Variants in PTPRK observed in about 807,000 individuals in gnomAD.
The protein encoded by PTPRK is receptor-type tyrosine-protein phosphatase kappa.
A neutral mutation model predicts 178.0 loss-of-function variants in PTPRK; 75 were observed. The ratio of observed to expected loss-of-function variants is 0.42; its 90% CI spans 0.35 to 0.51. The LOEUF (loss-of-function observed/expected upper bound fraction) is 0.51, where lower values mean the gene tolerates loss of function less well. Among genes scored for constraint, PTPRK ranks in the 20% least tolerant of loss-of-function variants. The pLI is 0.02. For missense variants in PTPRK, 1,441 were observed against 1,797.8 expected (o/e 0.80, Z 3.59); for synonymous variants, 637 against 620.6 (o/e 1.03, Z -0.39).
intron 5 of PTPRK, among the ~76,000 whole-genome samples, chr6:128,231,713 A>G (rs1194390461): frequency 1.3e-5 from 2 of 152,268 alleles, no homozygotes; most frequent in Non-Finnish European, 2.9e-5. Context: ...GAACACTTAC[A>G]TGAAATTATG....
chr6:128,278,259 C>A (rs1023021878), intron 3 of PTPRK, among the ~76,000 whole-genome samples: 1 of 151,982 alleles, frequency 6.6e-6, no homozygotes, highest in African/African-American at 2.4e-5. Context: ...TGGGTTCATG[C>A]GATTCTCCTG....
intron 3 of PTPRK, chr6:128,321,837 G>T (rs982495528): frequency 1.4e-6 from 1 of 736,962 alleles, no homozygotes; most frequent in Non-Finnish European, 2.4e-6. Flanking sequence ...TCATCAACAG[G>T]GTGGGGAAGA....
chr6:128,407,407 G>A (rs558634736), intron 1 of PTPRK, among the ~76,000 whole-genome samples: 39 of 151,956 alleles, frequency 2.6e-4, no homozygotes, highest in Admixed American at 5.9e-4. Flanking sequence ...GAAGACAGAG[G>A]GGTTAGATTT....
At position 128,520,290 on chromosome 6, in the gene PTPRK, G is replaced by A. The variant is rs1286064755; in HGVS notation, c.69C>T (p.Leu23=). The A allele has an allele frequency of 2.5e-6, 4 of 1,608,258 alleles. No individual in the cohort carries two copies. The highest frequency in any genetic ancestry group is 3.4e-6 in the Non-Finnish European group (4 of 1,177,276). ...VALLLLSPWP[L]LGSAQGQFSA... ...AGAACTGGCCTTGGGCCGATCCCAG[G>A]AGAGGCCAAGGAGAGAGGAGCAAGA... The change falls in exon 1 of 30, where the codon CTC becomes CTT. Residue 23 remains leucine (L), a synonymous_variant. Transcript: ENST00000368226.
intron 7 of PTPRK, among the ~76,000 whole-genome samples, chr6:128,166,337 T>C (rs1799394839): frequency 1.3e-5 from 2 of 151,788 alleles, no homozygotes; most frequent in South Asian, 4.1e-4. Flanking sequence ...ATTCTGTGAA[T>C]AAGAGCATAG....
At chr6:128,052,275 T>A (rs922628454) in intron 13 of PTPRK, among the ~76,000 whole-genome samples, 3 of 152,198 alleles carry the variant, frequency 2.0e-5, no homozygotes, top group Non-Finnish European at 4.4e-5. Flanking sequence ...CAAGGACATT[T>A]TCCTATAGAT....
chr6:128,185,567 T>A (rs1419177162), intron 6 of PTPRK, among the ~76,000 whole-genome samples: 1 of 152,076 alleles, frequency 6.6e-6, no homozygotes, highest in Admixed American at 6.6e-5. Flanking sequence ...GGATAATAAC[T>A]CATAAAGTTC....
At chr6:128,049,368 T>C (rs190743346) in intron 13 of PTPRK, among the ~76,000 whole-genome samples, 1 of 152,230 alleles carries the variant, frequency 6.6e-6, no homozygotes, top group African/African-American at 2.4e-5. Flanking sequence ...ATACCATTGG[T>C]TTTGTTTCTT....
intron 1 of PTPRK, among the ~76,000 whole-genome samples, chr6:128,413,237 T>C (rs1842497354): frequency 6.6e-6 from 1 of 152,166 alleles, no homozygotes; most frequent in Non-Finnish European, 1.5e-5. Context: ...AAAGGAAATA[T>C]CAAGGGTATC....
chr6:128,212,813 A>G (rs1808457110), intron 6 of PTPRK, among the ~76,000 whole-genome samples: 1 of 152,092 alleles, frequency 6.6e-6, no homozygotes, highest in Non-Finnish European at 1.5e-5. Flanking sequence ...TCGCATTTTT[A>G]TTTTAAAAAC....
rs546587650 is a variant in PTPRK at position 128,483,846 on chromosome 6, G to A, written c.100+36413C>T. ...GCTAACGTGATATGAAATGTTCACA[G>A]CCCAATTATGTCTGCTTGCCATTGT... On this transcript the variant is annotated intron_variant, in intron 1 of 29. Transcript: ENST00000368226. 1.3e-5 allele frequency among the ~76,000 whole-genome samples: 2 copies of A among 152,226 alleles called. 1 individual carries two copies. The highest frequency in any genetic ancestry group is 4.2e-4 in the South Asian group (2 of 4,818).
At chr6:128,088,733 A>G (rs1582949598) in intron 8 of PTPRK, among the ~76,000 whole-genome samples, 1 of 152,234 alleles carries the variant, frequency 6.6e-6, no homozygotes. Context: ...ACATTAAAAT[A>G]CTAATATAAA....
chr6:128,298,052 T>C (rs532191186), intron 3 of PTPRK, among the ~76,000 whole-genome samples: 1 of 148,948 alleles, frequency 6.7e-6, no homozygotes, highest in African/African-American at 2.6e-5. Flanking sequence ...ATATCACCTC[T>C]TTATCGATCC....
intron 2 of PTPRK, among the ~76,000 whole-genome samples, chr6:128,396,645 C>T (rs1840341305): frequency 6.6e-6 from 1 of 151,964 alleles, no homozygotes; most frequent in Non-Finnish European, 1.5e-5. Flanking sequence ...CTGTTTTAAA[C>T]AATTATAAAT....
In PTPRK at chr6:128,015,826, C is replaced by T. The variant is rs542173864; in HGVS notation, c.2195-6558G>A. Among the ~76,000 whole-genome samples the T allele has an allele frequency of 3.0e-4, 45 of 151,836 alleles. 1 individual carries two copies. The South Asian group carries it at 9.1e-3, about 31-fold the overall frequency. ...CAAAGATTGTAAATATTCAGCTTTA[C>T]AAGATAATACCAAACTATTACCAAT... On this transcript the variant is annotated intron_variant, in intron 13 of 29. Coordinates refer to ENST00000368226, the MANE Select transcript of PTPRK (RefSeq NM_002844.4).
At chr6:128,436,958 A>G (rs528719677) in intron 1 of PTPRK, among the ~76,000 whole-genome samples, 2 of 151,828 alleles carry the variant, frequency 1.3e-5, no homozygotes, top group Non-Finnish European at 2.9e-5. Context: ...TGTATTGTGC[A>G]CTTAGAAATT....
chr6:127,976,024 T>C (rs931628488), intron 27 of PTPRK, among the ~76,000 whole-genome samples: 3 of 152,096 alleles, frequency 2.0e-5, no homozygotes, highest in African/African-American at 7.2e-5. Flanking sequence ...ATTTGTCATG[T>C]AGTGGAAAGC....
intron 14 of PTPRK, 60 bp from the exon 15 acceptor site, chr6:128,005,304 C>G (rs905124673): frequency 1.3e-6 from 2 of 1,559,112 alleles, no homozygotes; most frequent in Non-Finnish European, 1.8e-6. Flanking sequence ...AGAGTTAACA[C>G]CAGCAATAAA....
At chr6:128,211,507 C>T (rs1347524081) in intron 6 of PTPRK, among the ~76,000 whole-genome samples, 3 of 151,938 alleles carry the variant, frequency 2.0e-5, no homozygotes, top group African/African-American at 7.2e-5. Context: ...TTGAACAAGC[C>T]GGTTTTGATC....
Sources: gnomAD v4.1 joint callset for allele counts (sites outside exome capture counted in the v4.1 genomes callset) on GRCh38, gnomAD v4.1.1 for gene constraint, MANE v1.5 for transcripts, NCBI Gene and HGNC (gene_info 2026-07-23, HGNC 2026-07-21) for gene names.